PGM5: variants seen among roughly 807,000 people sequenced by gnomAD.
The protein encoded by PGM5 is phosphoglucomutase 5.
PGM5 carries 23 observed loss-of-function variants against 59.2 expected under a neutral mutation model. The observed-to-expected ratio is 0.39, with a 90% CI of 0.28 to 0.55. PGM5 has a LOEUF of 0.55. PGM5 is among the 20% of genes least tolerant of loss of function. The pLI, the probability that PGM5 is intolerant of heterozygous loss-of-function variation, is 0.66. For missense variants in PGM5, 574 were observed against 748.3 expected (o/e 0.77, Z 2.72); for synonymous variants, 214 against 286.0 (o/e 0.75, Z 2.54).
chr9:68,483,083 C>T (rs1344003271), intron 8 of PGM5, among the ~76,000 whole-genome samples: 1 of 152,052 alleles, frequency 6.6e-6, no homozygotes, highest in African/African-American at 2.4e-5. Flanking sequence ...TCTCTCTTTC[C>T]TTCCTTCCTT....
At chr9:68,358,525 T>C (rs1554676000) in intron 1 of PGM5, among the ~76,000 whole-genome samples, 4 of 152,224 alleles carry the variant, frequency 2.6e-5, no homozygotes, top group African/African-American at 9.6e-5. Flanking sequence ...CCCACACTCA[T>C]AGAACTTTTC....
At chr9:68,394,103 G>A (rs1389585107) in intron 6 of PGM5, 1 of 152,068 alleles carries the variant, frequency 6.6e-6, no homozygotes, top group Admixed American at 6.6e-5. Flanking sequence ...TACTGTATGA[G>A]GGGTAGGAAG....
intron 6 of PGM5, among the ~76,000 whole-genome samples, chr9:68,435,958 A>G (rs1385960770): frequency 6.6e-6 from 1 of 152,166 alleles, no homozygotes; most frequent in Non-Finnish European, 1.5e-5. Flanking sequence ...TTTTCGGTAA[A>G]CTAACATGCA....
At chr9:68,430,620 CTG>C (rs1554682949) in intron 6 of PGM5, among the ~76,000 whole-genome samples, 2 of 152,236 alleles carry the variant, frequency 1.3e-5, no homozygotes, top group Non-Finnish European at 2.9e-5. Context: ...TCAGGTTTCT[CTG>C]GATACCGTTT....
At chr9:68,527,312 A>G (rs985017834) in intron 10 of PGM5, among the ~76,000 whole-genome samples, 2 of 152,218 alleles carry the variant, frequency 1.3e-5, no homozygotes, top group African/African-American at 4.8e-5. Flanking sequence ...AAATAATAGG[A>G]TAGTATATGT....
chr9:68,373,458 A>G (rs1431346173), intron 1 of PGM5, among the ~76,000 whole-genome samples: 1 of 152,224 alleles, frequency 6.6e-6, no homozygotes, highest in Non-Finnish European at 1.5e-5. Context: ...AACAGAATGT[A>G]TATTACCTTT....
chr9:68,502,622 C>A (rs1824595012), intron 10 of PGM5, among the ~76,000 whole-genome samples: 1 of 152,174 alleles, frequency 6.6e-6, no homozygotes, highest in South Asian at 2.1e-4. Context: ...TCACCCCAGT[C>A]CTTGGGAGGG....
chr9:68,389,579 G>C (rs1185733988), intron 4 of PGM5, among the ~76,000 whole-genome samples: 1 of 152,082 alleles, frequency 6.6e-6, no homozygotes, highest in Non-Finnish European at 1.5e-5. Context: ...ATCAGTAGTT[G>C]TTCCTTTTAC....
intron 10 of PGM5, among the ~76,000 whole-genome samples, chr9:68,506,208 C>T (rs1824652459): frequency 6.6e-6 from 1 of 152,216 alleles, no homozygotes; most frequent in African/African-American, 2.4e-5. Flanking sequence ...ACTCTTGTGA[C>T]AAGTAGCTGA....
intron 9 of PGM5, among the ~76,000 whole-genome samples, chr9:68,489,568 G>A (rs1480763620): frequency 2.0e-5 from 3 of 151,042 alleles, no homozygotes; most frequent in African/African-American, 4.9e-5. Flanking sequence ...GGGTTCAAGC[G>A]ATTCTTGTGC....
At chr9:68,439,520 T>C (rs1554683551) in intron 6 of PGM5, among the ~76,000 whole-genome samples, 1 of 147,186 alleles carries the variant, frequency 6.8e-6, no homozygotes, top group East Asian at 1.9e-4. Flanking sequence ...TGAGTGTATA[T>C]ATATAACATA....
intron 1 of PGM5, among the ~76,000 whole-genome samples, chr9:68,358,643 C>T (rs1414418575): frequency 2.3e-4 from 35 of 152,144 alleles, no homozygotes; most frequent in African/African-American, 7.0e-4. Flanking sequence ...CAACCCTCTC[C>T]TTTTCATTTT....
chr9:68,403,460 G>A (rs1426076014), intron 6 of PGM5, among the ~76,000 whole-genome samples: 1 of 152,178 alleles, frequency 6.6e-6, no homozygotes, highest in Non-Finnish European at 1.5e-5. Context: ...CCCAGTCTGT[G>A]GAAAAATTGT....
chr9:68,484,080 T>C, intron 9 of PGM5, 32 bp downstream of exon 9: 2 of 1,601,402 alleles, frequency 1.2e-6, no homozygotes, highest in Admixed American at 3.3e-5. Flanking sequence ...CAACGGGTTA[T>C]CAGGCAGAAC....
chr9:68,412,611 C>T (rs1554681681), intron 6 of PGM5, among the ~76,000 whole-genome samples: 2 of 152,222 alleles, frequency 1.3e-5, no homozygotes, highest in African/African-American at 4.8e-5. Context: ...AGGGCTCACA[C>T]TCTGGGTCCC....
intron 10 of PGM5, among the ~76,000 whole-genome samples, chr9:68,501,617 T>A (rs1296238387): frequency 6.6e-6 from 1 of 152,244 alleles, no homozygotes; most frequent in African/African-American, 2.4e-5. Context: ...AAGACCTGCT[T>A]GTGTTGCTTT....
intron 2 of PGM5, among the ~76,000 whole-genome samples, chr9:68,379,773 AAC>A (rs1233381065): frequency 6.6e-6 from 1 of 151,966 alleles, no homozygotes; most frequent in African/African-American, 2.4e-5. Context: ...ATGCCATGAA[AAC>A]AGTTACCAAA....
chr9:68,403,826 T>A (rs1822736638), intron 6 of PGM5, among the ~76,000 whole-genome samples: 1 of 152,146 alleles, frequency 6.6e-6, no homozygotes, highest in Non-Finnish European at 1.5e-5. Context: ...CCCAAGGTGG[T>A]AGATGACATC....
chr9:68,461,056 T>C (rs1168456615), intron 6 of PGM5, among the ~76,000 whole-genome samples: 3 of 152,176 alleles, frequency 2.0e-5, no homozygotes, highest in African/African-American at 7.2e-5. Flanking sequence ...ATCCCCAAGA[T>C]GTATAACCAC....
Sources: allele counts gnomAD v4.1 joint callset (sites outside exome capture counted in the v4.1 genomes callset), GRCh38; gene constraint gnomAD v4.1.1; transcripts MANE v1.5; gene names NCBI Gene and HGNC (gene_info 2026-07-23, HGNC 2026-07-21).